TM9SF4: variants seen among roughly 807,000 people sequenced by gnomAD.
TM9SF4 encodes dinucleotide oxidase disulfide thiol exchanger 3 superfamily member 4.
In TM9SF4, 26 loss-of-function variants were observed where a neutral mutation model predicts 90.4. That is an observed-to-expected ratio of 0.29 (90% CI 0.21 to 0.40). The LOEUF (loss-of-function observed/expected upper bound fraction) is 0.40, where lower values mean the gene tolerates loss of function less well. Among genes scored for constraint, TM9SF4 ranks in the 10% least tolerant of loss-of-function variants. TM9SF4 has a pLI of 1.00. For synonymous variants in TM9SF4, 293 were observed against 315.4 expected (o/e 0.93, Z 0.75); for missense variants, 549 against 834.8 (o/e 0.66, Z 4.22).
intron 1 of TM9SF4, 36 bp downstream of exon 1, chr20:32,109,791 C>T (rs1459226121): frequency 5.2e-6 from 8 of 1,551,240 alleles, no homozygotes; most frequent in African/African-American, 1.4e-5. Context: ...GGAGCTGGAG[C>T]GGGGCCCTCC....
intron 1 of TM9SF4, among the ~76,000 whole-genome samples, chr20:32,117,634 C>A (rs576179201): frequency 6.7e-6 from 1 of 148,544 alleles, no homozygotes; most frequent in East Asian, 1.9e-4. Flanking sequence ...CCAACCCACC[C>A]CCGCCCCCCC....
At chr20:32,144,384 G>A (rs1343605198) in intron 6 of TM9SF4, among the ~76,000 whole-genome samples, 2 of 152,220 alleles carry the variant, frequency 1.3e-5, no homozygotes, top group African/African-American at 4.8e-5. Flanking sequence ...GATTGATCAC[G>A]AAAGTGCCAG....
chr20:32,137,073 C>G, intron 3 of TM9SF4: 1 of 455,020 alleles, frequency 2.2e-6, no homozygotes, highest in Non-Finnish European at 4.4e-6. Context: ...CCATCTCCCC[C>G]TAATACCAAC....
intron 5 of TM9SF4, 24 bp downstream of exon 5, chr20:32,141,919 C>G (rs1268910344): frequency 6.2e-7 from 1 of 1,613,492 alleles, no homozygotes; most frequent in Non-Finnish European, 8.5e-7. Context: ...GGCGTGCTCA[C>G]AGGACCGGGA....
intron 1 of TM9SF4, 176 bp downstream of exon 1, chr20:32,109,931 T>C (rs1482197059): frequency 6.9e-7 from 1 of 1,441,802 alleles, no homozygotes; most frequent in Admixed American, 2.7e-5. Context: ...GCCCTGCCCC[T>C]GCACTCAGGC....
At chr20:32,162,579 T>G (rs1457687207) in intron 17 of TM9SF4, among the ~76,000 whole-genome samples, 1 of 152,196 alleles carries the variant, frequency 6.6e-6, no homozygotes. Flanking sequence ...ACTAAAATAT[T>G]TACAATCTGG....
At chr20:32,123,731 A>G (rs1600789618) in intron 1 of TM9SF4, among the ~76,000 whole-genome samples, 1 of 150,170 alleles carries the variant, frequency 6.7e-6, no homozygotes, top group African/African-American at 2.4e-5. Flanking sequence ...ATTTAAAAGC[A>G]TATCCATATT....
chr20:32,132,675 G>C (rs1016704226), intron 1 of TM9SF4, among the ~76,000 whole-genome samples: 14 of 152,154 alleles, frequency 9.2e-5, no homozygotes, highest in African/African-American at 3.4e-4. Context: ...AAATGTCCTG[G>C]AGCTTTATTT....
chr20:32,149,208 A>G (rs911827957), intron 9 of TM9SF4, among the ~76,000 whole-genome samples: 11 of 152,168 alleles, frequency 7.2e-5, no homozygotes, highest in African/African-American at 2.7e-4. Context: ...TGTAATAAAC[A>G]TGTATTACTT....
In TM9SF4 at chr20:32,132,616, GC is replaced by G. The variant is rs199804730; in HGVS notation, c.16-396del. Among the ~76,000 whole-genome samples, 1,223 of 152,286 alleles carry G rather than the reference GC, an allele frequency of 8.0e-3. 54 individuals are homozygous for G. Among genetic ancestry groups the G allele is most frequent in the Admixed American group, 0.071 (1,081 of 15,300 alleles). ...AGGAACATCTCTTGGTAACATAGGAGCTTTTGACAGCGTGAACTAGTTGCTA... is the reference window on the plus strand; with the variant it reads ...AGGAACATCTCTTGGTAACATAGGAGTTTTGACAGCGTGAACTAGTTGCTA... On this transcript the variant is annotated intron_variant, in intron 1 of 17. Coordinates refer to ENST00000398022, the MANE Select transcript of TM9SF4 (RefSeq NM_014742.4).
chr20:32,136,645 A>C (rs1434816393), intron 3 of TM9SF4, among the ~76,000 whole-genome samples: 2 of 152,322 alleles, frequency 1.3e-5, no homozygotes, highest in East Asian at 3.9e-4. Context: ...CATGTCAAAT[A>C]ATGTGTGAGG....
At chr20:32,145,532 G>A (rs1248024424) in intron 8 of TM9SF4, 109 bp downstream of exon 8, 4 of 890,268 alleles carry the variant, frequency 4.5e-6, no homozygotes, top group Non-Finnish European at 7.2e-6. Flanking sequence ...TCAGGCGTAG[G>A]TCAAAAACAG....
At chr20:32,150,215 G>C (rs1200152561) in intron 10 of TM9SF4, among the ~76,000 whole-genome samples, 1 of 152,174 alleles carries the variant, frequency 6.6e-6, no homozygotes, top group Non-Finnish European at 1.5e-5. Flanking sequence ...TGTGACCTTG[G>C]ACAGGCCACT....
intron 1 of TM9SF4, among the ~76,000 whole-genome samples, chr20:32,124,590 CT>C (rs34090214): frequency 0.45 from 65,059 of 145,066 alleles, 14,254 homozygotes; most frequent in East Asian, 0.74. Flanking sequence ...CTTTTAAAAA[CT>C]TTTTTTTTTT....
At chr20:32,124,054 A>G (rs2122343906) in intron 1 of TM9SF4, among the ~76,000 whole-genome samples, 1 of 151,828 alleles carries the variant, frequency 6.6e-6, no homozygotes, top group Middle Eastern at 3.4e-3. Flanking sequence ...TGTAGAGACA[A>G]GGTCTCACTA....
At position 32,155,105 on chromosome 20, in the gene TM9SF4, G is replaced by C. The variant is rs200631265; in HGVS notation, c.1248G>C (p.Thr416=). Residue 416 remains threonine, a splice_region_variant and synonymous_variant, in exon 13 of 18, where the codon ACG becomes ACC. Coordinates refer to ENST00000398022, the MANE Select transcript of TM9SF4 (RefSeq NM_014742.4). ...CAACCCGGCCCCTCTTGCTCCAGACGGCAACTCTGTACCCTGGTGTGGTTT... is the reference window on the plus strand; with the variant it reads ...CAACCCGGCCCCTCTTGCTCCAGACCGCAACTCTGTACCCTGGTGTGGTTT... ...GHRWKKGAFC[T]ATLYPGVVFG... 7 of 1,614,002 alleles carry C rather than the reference G, an allele frequency of 4.3e-6. No homozygotes were observed. The highest frequency in any genetic ancestry group is 5.9e-6 in the Non-Finnish European group (7 of 1,179,960).
At chr20:32,126,193 A>G (rs1431660609) in intron 1 of TM9SF4, among the ~76,000 whole-genome samples, 6 of 152,126 alleles carry the variant, frequency 3.9e-5, no homozygotes, top group Non-Finnish European at 5.9e-5. Context: ...CACTGAGAAC[A>G]AAGCCCAACA....
chr20:32,134,486 A>G (rs867904728), intron 2 of TM9SF4, among the ~76,000 whole-genome samples: 15 of 152,270 alleles, frequency 9.9e-5, no homozygotes, highest in South Asian at 2.1e-4. Flanking sequence ...TTCCAAGCTC[A>G]CTGAAGGCAA....
intron 1 of TM9SF4, among the ~76,000 whole-genome samples, chr20:32,117,500 T>G (rs2046244024): frequency 6.6e-6 from 1 of 152,208 alleles, no homozygotes; most frequent in Admixed American, 6.5e-5. Flanking sequence ...CCTGTTTTCT[T>G]TGGAAGATGT....
Sources: allele counts gnomAD v4.1 joint callset (sites outside exome capture counted in the v4.1 genomes callset), GRCh38; gene constraint gnomAD v4.1.1; transcripts MANE v1.5; gene names NCBI Gene and HGNC (gene_info 2026-07-23, HGNC 2026-07-21).